The following ARHGAP39 variants were observed in gnomAD, a reference collection of about 807,000 sequenced individuals.
The protein encoded by ARHGAP39 is Rho GTPase activating protein 39.
In ARHGAP39, 44 loss-of-function variants were observed where a neutral mutation model predicts 106.9. That is an observed-to-expected ratio of 0.41 (90% confidence interval 0.32 to 0.53). ARHGAP39 has a LOEUF of 0.53. Ranked by LOEUF, ARHGAP39 falls within the 20% of genes least tolerant of loss-of-function variation. The pLI is 0.21. For synonymous variants in ARHGAP39, 768 were observed against 693.2 expected, an observed-to-expected ratio of 1.11 and a Z score of -1.69; for missense variants, 1,496 against 1,577.3, an observed-to-expected ratio of 0.95 and a Z score of 0.87.
chr8:144,606,025 T>C (rs1205129826), intron 1 of ARHGAP39, among the ~76,000 whole-genome samples: 8 of 152,314 alleles, frequency 5.3e-5, no homozygotes, highest in African/African-American at 1.9e-4. Context: ...ACCGTAGGAC[T>C]GGAGGACTGG....
intron 1 of ARHGAP39, among the ~76,000 whole-genome samples, chr8:144,631,323 C>T (rs1821057543): frequency 6.6e-6 from 1 of 152,230 alleles, no homozygotes. Context: ...GACGAGGCCC[C>T]ATTTCTTGCC....
chr8:144,557,362 CAAAGGCTGAACCTTCATAGTATTCAGT>C (rs1817972869), intron 3 of ARHGAP39, among the ~76,000 whole-genome samples: 20 of 126,646 alleles, frequency 1.6e-4, no homozygotes, highest in African/African-American at 2.0e-4. Context: ...TATTCAGAGG[CAAAGGCTGAACCTTCATAGTATTCAGT>C]GGCAAAAGGC....
At chr8:144,579,336 C>T (rs373951310) in intron 3 of ARHGAP39, among the ~76,000 whole-genome samples, 5 of 151,816 alleles carry the variant, frequency 3.3e-5, no homozygotes, top group African/African-American at 9.7e-5. Flanking sequence ...AAAAGGAAAG[C>T]AAGTAGTGTT....
intron 2 of ARHGAP39, among the ~76,000 whole-genome samples, chr8:144,602,784 A>T (rs1403819573): frequency 1.1e-5 from 1 of 91,732 alleles, no homozygotes; most frequent in Non-Finnish European, 2.1e-5. Context: ...ATGTGCATGG[A>T]GGCGTGTGTG....
chr8:144,654,955 A>G (rs1821660362), intron 1 of ARHGAP39, among the ~76,000 whole-genome samples: 1 of 152,090 alleles, frequency 6.6e-6, no homozygotes, highest in Non-Finnish European at 1.5e-5. Flanking sequence ...AGCTGCAGCC[A>G]CCCAAACATC....
chr8:144,632,408 C>T (rs1821084208), intron 1 of ARHGAP39, among the ~76,000 whole-genome samples: 2 of 152,228 alleles, frequency 1.3e-5, no homozygotes. Flanking sequence ...ACCGATCAAC[C>T]TCAAAGCATG....
At chr8:144,601,551 C>CGTGCGAGCTCGTGTACCTGT (rs1563699403) in intron 2 of ARHGAP39, among the ~76,000 whole-genome samples, 3 of 112,222 alleles carry the variant, frequency 2.7e-5, no homozygotes, top group Non-Finnish European at 5.2e-5. Context: ...TGGAGGCGTG[C>CGTGCGAGCTCGTGTACCTGT]GTGCGAGCTC....
upstream of ARHGAP39, among the ~76,000 whole-genome samples, chr8:144,686,209 C>T (rs1822586914): frequency 6.6e-6 from 1 of 152,112 alleles, no homozygotes; most frequent in Non-Finnish European, 1.5e-5. Context: ...CACTTTTCTT[C>T]GACTCTAGAA....
At chr8:144,579,437 G>A (rs186835231) in intron 3 of ARHGAP39, among the ~76,000 whole-genome samples, 4 of 152,134 alleles carry the variant, frequency 2.6e-5, no homozygotes, top group South Asian at 2.1e-4. Flanking sequence ...CTTCTGCACC[G>A]CTCGCTCACC....
intron 1 of ARHGAP39, among the ~76,000 whole-genome samples, chr8:144,674,522 A>G (rs951973575): frequency 2.6e-5 from 4 of 152,310 alleles, no homozygotes; most frequent in South Asian, 2.1e-4. Context: ...GGGCAGGCCC[A>G]GAAAAAGCAC....
chr8:144,602,095 G>C (rs1284126283), intron 2 of ARHGAP39, among the ~76,000 whole-genome samples: 4 of 146,454 alleles, frequency 2.7e-5, no homozygotes, highest in Non-Finnish European at 6.0e-5. Context: ...GGAGGCGTGT[G>C]TGCTCGTGTA....
intron 1 of ARHGAP39, among the ~76,000 whole-genome samples, chr8:144,620,152 C>CAT (rs1820760942): frequency 2.5e-5 from 3 of 119,578 alleles, no homozygotes; most frequent in African/African-American, 6.5e-5. Context: ...TCCCTGAGAG[C>CAT]GTGTGCCCAT....
At chr8:144,643,763 T>G (rs566008096) in intron 1 of ARHGAP39, among the ~76,000 whole-genome samples, 1 of 152,310 alleles carries the variant, frequency 6.6e-6, no homozygotes, top group African/African-American at 2.4e-5. Context: ...AACAAAGTAC[T>G]GGGATTACAT....
Position 144,604,326 on chromosome 8 carries a change from T to C in ARHGAP39, c.80+1209A>G, listed in dbSNP as rs545501353. On this transcript the variant is annotated intron_variant, in intron 2 of 11. Transcript: ENST00000377307. This position sits in a 1 kb window ranked among gnomAD's most constrained non-coding sequence, Gnocchi z 4.1. ...CCGGGAGGACCCAACACCACCTGTA[T>C]GGCATTCTCCTGAAAAACTGTCAGA... Among the ~76,000 whole-genome samples, 1 of 152,188 alleles carries C rather than the reference T, an allele frequency of 6.6e-6. No homozygotes were observed. The highest frequency in any genetic ancestry group is 1.5e-5 in the Non-Finnish European group (1 of 68,026).
intron 3 of ARHGAP39, among the ~76,000 whole-genome samples, chr8:144,560,452 T>G (rs118175247): frequency 0.019 from 2,878 of 152,022 alleles, 70 homozygotes; most frequent in Admixed American, 0.064. Flanking sequence ...CAAAACAAAA[T>G]AAAAAAACAA....
chr8:144,544,282 C>G (rs1360892173), intron 6 of ARHGAP39, among the ~76,000 whole-genome samples: 1 of 152,250 alleles, frequency 6.6e-6, no homozygotes, highest in African/African-American at 2.4e-5. Context: ...GCCCTGTGGC[C>G]TCCACCCTGC....
intron 2 of ARHGAP39, among the ~76,000 whole-genome samples, chr8:144,582,587 A>C (rs145889423): frequency 6.6e-6 from 1 of 152,210 alleles, no homozygotes; most frequent in Admixed American, 6.5e-5. Flanking sequence ...TTTGGATGCC[A>C]CAGGCAGAAG....
At chr8:144,618,950 C>T (rs905213952) in intron 1 of ARHGAP39, among the ~76,000 whole-genome samples, 1 of 152,252 alleles carries the variant, frequency 6.6e-6, no homozygotes, top group Admixed American at 6.5e-5. Context: ...TGTGCTCCGT[C>T]CTCATCCTCG....
intron 1 of ARHGAP39, among the ~76,000 whole-genome samples, chr8:144,643,751 AAAAC>A (rs1821369127): frequency 6.6e-6 from 1 of 152,240 alleles, no homozygotes; most frequent in Non-Finnish European, 1.5e-5. Flanking sequence ...TGATAGAAGA[AAAAC>A]AAAGTACTGG....
Sources: gnomAD v4.1 joint callset for allele counts (sites outside exome capture counted in the v4.1 genomes callset) on GRCh38, gnomAD v4.1.1 for gene constraint, Gnocchi (gnomAD v3.1) non-coding constraint, MANE v1.5 for transcripts, NCBI Gene and HGNC (gene_info 2026-07-23, HGNC 2026-07-21) for gene names.